ARHGEF7: variants seen among roughly 807,000 people sequenced by gnomAD.
ARHGEF7 encodes PAK-interacting exchange factor beta.
Under a neutral mutation model 109.8 loss-of-function variants are expected in ARHGEF7, and 33 were observed. The ratio of observed to expected loss-of-function variants is 0.30; its 90% CI spans 0.23 to 0.40. ARHGEF7 has a LOEUF of 0.40. Ranked by LOEUF, ARHGEF7 falls within the 10% of genes least tolerant of loss-of-function variation. The pLI, the probability that ARHGEF7 is intolerant of heterozygous loss-of-function variation, is 1.00. For missense variants in ARHGEF7, 938 were observed against 1,098.5 expected (o/e 0.85, Z 2.07); for synonymous variants, 458 against 424.6 (o/e 1.08, Z -0.97).
In ARHGEF7 at chr13:111,292,303, T is replaced by C; in HGVS notation, c.2311+9T>C. On this transcript the variant is annotated intron_variant, in intron 19 of 21. Transcript: ENST00000646102. ...AATGGGTTCTACATCTCGTAAGAGC[T>C]GTTGCTCATATATCTCTCACCAGAA... The C allele has an allele frequency of 6.2e-7, 1 of 1,614,234 alleles. No individual in the cohort carries two copies. The highest frequency in any genetic ancestry group is 8.5e-7 in the Non-Finnish European group (1 of 1,180,034).
intron 2 of ARHGEF7, among the ~76,000 whole-genome samples, chr13:111,201,417 A>G (rs1005847255): frequency 6.6e-6 from 1 of 152,194 alleles, no homozygotes; most frequent in Non-Finnish European, 1.5e-5. Context: ...AACATACTCT[A>G]TGAGAATAGA....
intron 21 of ARHGEF7, among the ~76,000 whole-genome samples, chr13:111,301,767 C>A (rs967943881): frequency 6.6e-6 from 1 of 152,072 alleles, no homozygotes; most frequent in African/African-American, 2.4e-5. Context: ...GCGGCAGGTG[C>A]CTGTAACCCA....
chr13:111,124,004 T>C (rs1363409993), intron 1 of ARHGEF7, among the ~76,000 whole-genome samples: 1 of 152,210 alleles, frequency 6.6e-6, no homozygotes, highest in Non-Finnish European at 1.5e-5. Context: ...ACTTTTCTAC[T>C]AACATTTTTT....
intron 2 of ARHGEF7, among the ~76,000 whole-genome samples, chr13:111,172,708 A>G (rs921175562): frequency 6.6e-6 from 1 of 152,204 alleles, no homozygotes; most frequent in African/African-American, 2.4e-5. Flanking sequence ...GGTGCTGTAA[A>G]CCAAGGCTTG....
chr13:111,164,780 C>T (rs1290736132), intron 2 of ARHGEF7, among the ~76,000 whole-genome samples: 1 of 152,198 alleles, frequency 6.6e-6, no homozygotes, highest in East Asian at 1.9e-4. Flanking sequence ...TGACCCCAGG[C>T]AAGCGGAATC....
intron 10 of ARHGEF7, 132 bp downstream of exon 10, chr13:111,274,084 G>A: frequency 8.7e-7 from 1 of 1,154,538 alleles, no homozygotes. Context: ...AAAGAGTTTT[G>A]TTAAATATTA....
intron 5 of ARHGEF7, among the ~76,000 whole-genome samples, chr13:111,226,394 G>C (rs1472138943): frequency 1.3e-5 from 2 of 152,234 alleles, no homozygotes; most frequent in Admixed American, 1.3e-4. Flanking sequence ...TGACTCTCTG[G>C]TCTGGGGTTA....
In ARHGEF7 at chr13:111,215,703, A is replaced by G. The variant is rs536260953; in HGVS notation, c.469-1976A>G. 1.7e-4 allele frequency among the ~76,000 whole-genome samples: 26 copies of G among 152,246 alleles called. No individual in the cohort carries two copies. In the South Asian group the frequency reaches 4.4e-3, roughly 25 times the overall value. Reference sequence around the variant, plus strand: ...CAGATCTAGTCTTTTGCGTATTTCTAAGGGTCTCTTTGACATTCAAACACA... The same window carrying G: ...CAGATCTAGTCTTTTGCGTATTTCTGAGGGTCTCTTTGACATTCAAACACA... On this transcript the variant is annotated intron_variant, in intron 4 of 21. Coordinates refer to ENST00000646102, the MANE Select transcript of ARHGEF7 (RefSeq NM_001354046.2).
chr13:111,263,201 T>G (rs1048000083), intron 8 of ARHGEF7, among the ~76,000 whole-genome samples: 2 of 152,212 alleles, frequency 1.3e-5, no homozygotes, highest in Non-Finnish European at 2.9e-5. Flanking sequence ...TTTATGAGCT[T>G]TATCTGCTAC....
At chr13:111,127,648 G>GAA (rs71206956) in intron 1 of ARHGEF7, among the ~76,000 whole-genome samples, 483 of 39,998 alleles carry the variant, frequency 0.012, 17 homozygotes, top group African/African-American at 0.036. Flanking sequence ...CTCTGTTTCA[G>GAA]AAAAAAAAAA....
chr13:111,238,703 C>G (rs553196594), intron 6 of ARHGEF7, among the ~76,000 whole-genome samples: 1 of 151,654 alleles, frequency 6.6e-6, no homozygotes, highest in East Asian at 1.9e-4. Flanking sequence ...GATGCCTAGG[C>G]TGGAGAGAAT....
intron 1 of ARHGEF7, among the ~76,000 whole-genome samples, chr13:111,133,178 C>T (rs952153528): frequency 1.3e-5 from 2 of 151,718 alleles, no homozygotes; most frequent in Non-Finnish European, 2.9e-5. Flanking sequence ...TATATGTGCA[C>T]GTGTATGTAT....
chr13:111,156,555 G>C (rs555360106), intron 2 of ARHGEF7, among the ~76,000 whole-genome samples: 1 of 152,226 alleles, frequency 6.6e-6, no homozygotes, highest in Non-Finnish European at 1.5e-5. Context: ...AAGTTACCCT[G>C]AGAAGTCATT....
chr13:111,142,097 G>T (rs956182154), intron 1 of ARHGEF7, among the ~76,000 whole-genome samples: 1 of 152,042 alleles, frequency 6.6e-6, no homozygotes, highest in African/African-American at 2.4e-5. Context: ...ATCTTTTTAT[G>T]TGCTTATTTA....
At chr13:111,284,503 A>G (rs1267814496) in intron 16 of ARHGEF7, among the ~76,000 whole-genome samples, 1 of 152,230 alleles carries the variant, frequency 6.6e-6, no homozygotes. Flanking sequence ...TGCACAGTCT[A>G]AAGAAAAAGT....
chr13:111,183,640 C>T (rs188874708), intron 2 of ARHGEF7, among the ~76,000 whole-genome samples: 223 of 152,198 alleles, frequency 1.5e-3, no homozygotes, highest in African/African-American at 4.8e-3. Flanking sequence ...GGATTTTTAC[C>T]TATAAACCCT....
chr13:111,201,088 C>T (rs1316425120), intron 2 of ARHGEF7, among the ~76,000 whole-genome samples: 1 of 152,118 alleles, frequency 6.6e-6, no homozygotes, highest in Non-Finnish European at 1.5e-5. Context: ...GGACTTGATC[C>T]CCAGGCTTGT....
chr13:111,265,016 C>T (rs1001295204), intron 8 of ARHGEF7, among the ~76,000 whole-genome samples: 5 of 149,314 alleles, frequency 3.3e-5, no homozygotes, highest in South Asian at 4.3e-4. Context: ...CCCAGCTACT[C>T]GGGAGGCTGA....
intron 5 of ARHGEF7, among the ~76,000 whole-genome samples, chr13:111,231,934 C>G (rs928740796): frequency 6.6e-6 from 1 of 152,178 alleles, no homozygotes; most frequent in East Asian, 1.9e-4. Flanking sequence ...AAAAACCTCT[C>G]CCTTTCCTTT....
Sources: gnomAD v4.1 joint callset for allele counts (sites outside exome capture counted in the v4.1 genomes callset) on GRCh38, gnomAD v4.1.1 for gene constraint, MANE v1.5 for transcripts, NCBI Gene and HGNC (gene_info 2026-07-23, HGNC 2026-07-21) for gene names.